The following SPIDR variants were observed in gnomAD, a reference collection of about 807,000 sequenced individuals.
SPIDR encodes the protein DNA repair-scaffolding protein.
In SPIDR, 93 loss-of-function variants were observed where a neutral mutation model predicts 104.6. That is an observed-to-expected ratio of 0.89 (90% CI 0.75 to 1.06). The LOEUF (loss-of-function observed/expected upper bound fraction) is 1.06, where lower values mean the gene tolerates loss of function less well. Among genes scored for constraint, SPIDR ranks in the 50% least tolerant of loss-of-function variants. The pLI is 0.00. For missense variants in SPIDR, 1,154 were observed against 1,111.2 expected, an observed-to-expected ratio of 1.04 and a Z score of -0.55; for synonymous variants, 431 against 416.9, an observed-to-expected ratio of 1.03 and a Z score of -0.41.
intron 11 of SPIDR, among the ~76,000 whole-genome samples, chr8:47,689,751 T>C (rs1220212879): frequency 1.3e-5 from 2 of 152,150 alleles, no homozygotes; most frequent in African/African-American, 4.8e-5. Flanking sequence ...GGGGGTGGCA[T>C]GGGAGCTCTG....
chr8:47,564,408 G>A (rs764329991), intron 8 of SPIDR, among the ~76,000 whole-genome samples: 1 of 152,018 alleles, frequency 6.6e-6, no homozygotes, highest in African/African-American at 2.4e-5. Flanking sequence ...GGCTGGGTGC[G>A]GTGGCTCACG....
chr8:47,285,485 A>G (rs1554562481), intron 3 of SPIDR, among the ~76,000 whole-genome samples: 1,645 of 152,328 alleles, frequency 0.011, 18 homozygotes, highest in Non-Finnish European at 0.017. Flanking sequence ...TGTCATAAAA[A>G]TACTACTTCC....
chr8:47,337,446 A>G (rs2049969727), intron 5 of SPIDR, among the ~76,000 whole-genome samples: 1 of 151,808 alleles, frequency 6.6e-6, no homozygotes, highest in Admixed American at 6.6e-5. Context: ...TTGTGTTTTT[A>G]TTATTGACTT....
At chr8:47,417,956 G>A (rs1367723242) in intron 7 of SPIDR, among the ~76,000 whole-genome samples, 5 of 152,064 alleles carry the variant, frequency 3.3e-5, no homozygotes, top group Non-Finnish European at 7.4e-5. Flanking sequence ...TTATTTCCGA[G>A]GGCTCTGTTT....
At chr8:47,260,892 G>A (rs1750439707), upstream of SPIDR, 2 of 1,187,460 alleles carry the variant, frequency 1.7e-6, no homozygotes, top group Non-Finnish European at 2.1e-6. Context: ...GCAGGGCGCG[G>A]TGCGGCGCGC....
intron 8 of SPIDR, among the ~76,000 whole-genome samples, chr8:47,585,060 T>G (rs994430704): frequency 2.6e-5 from 4 of 152,212 alleles, no homozygotes; most frequent in Non-Finnish European, 4.4e-5. Flanking sequence ...AAATGACAAT[T>G]AGAGAATGAG....
chr8:47,452,491 G>T (rs187479450), intron 8 of SPIDR, among the ~76,000 whole-genome samples: 1 of 152,262 alleles, frequency 6.6e-6, no homozygotes, highest in Admixed American at 6.5e-5. Flanking sequence ...GAATCCAGCA[G>T]CACATCAAAA....
At chr8:47,676,799 G>A (rs1375070709) in intron 11 of SPIDR, among the ~76,000 whole-genome samples, 1 of 152,194 alleles carries the variant, frequency 6.6e-6, no homozygotes, top group African/African-American at 2.4e-5. Context: ...ACCCGCTGTT[G>A]AATGGCTGTG....
intron 10 of SPIDR, among the ~76,000 whole-genome samples, chr8:47,663,484 A>G: frequency 6.6e-6 from 1 of 152,252 alleles, no homozygotes; most frequent in East Asian, 1.9e-4. Context: ...AGAAACCCTA[A>G]GAAGGCCAAG....
At chr8:47,312,303 C>G (rs1258598823) in intron 5 of SPIDR, among the ~76,000 whole-genome samples, 1 of 152,160 alleles carries the variant, frequency 6.6e-6, no homozygotes, top group Non-Finnish European at 1.5e-5. Flanking sequence ...ACACTGACTT[C>G]CACAATGGTT....
intron 5 of SPIDR, among the ~76,000 whole-genome samples, chr8:47,389,654 A>G (rs1005807921): frequency 2.9e-5 from 4 of 136,634 alleles, no homozygotes; most frequent in Non-Finnish European, 6.1e-5. Flanking sequence ...GTGCCACTGC[A>G]TTCCAGCCTG....
chr8:47,478,872 T>C (rs181505823), intron 8 of SPIDR, among the ~76,000 whole-genome samples: 278 of 152,270 alleles, frequency 1.8e-3, no homozygotes, highest in Non-Finnish European at 3.0e-3. Context: ...GAAGATAACT[T>C]TGATTTCTGA....
chr8:47,643,867 G>A (rs1474696181), intron 10 of SPIDR, among the ~76,000 whole-genome samples: 1 of 152,170 alleles, frequency 6.6e-6, no homozygotes, highest in African/African-American at 2.4e-5. Flanking sequence ...GATCATGACT[G>A]TAGAATATTA....
chr8:47,626,802 A>G (rs2066201691), intron 10 of SPIDR, among the ~76,000 whole-genome samples: 1 of 152,226 alleles, frequency 6.6e-6, no homozygotes, highest in Non-Finnish European at 1.5e-5. Flanking sequence ...ACTGTAAACT[A>G]GTTCAACCAT....
chr8:47,504,075 C>T (rs1348741519), intron 8 of SPIDR, among the ~76,000 whole-genome samples: 1 of 152,122 alleles, frequency 6.6e-6, no homozygotes, highest in Non-Finnish European at 1.5e-5. Context: ...ACGTTTTTTC[C>T]TCCATTTCAA....
chr8:47,456,803 G>A (rs895346538), intron 8 of SPIDR, among the ~76,000 whole-genome samples: 6 of 151,946 alleles, frequency 3.9e-5, no homozygotes, highest in Non-Finnish European at 7.4e-5. Flanking sequence ...TCATTCTTAC[G>A]CCTTTGCATC....
intron 12 of SPIDR, among the ~76,000 whole-genome samples, chr8:47,701,387 G>A (rs1206788817): frequency 6.6e-6 from 1 of 152,158 alleles, no homozygotes; most frequent in East Asian, 1.9e-4. Context: ...AGCCAAGATC[G>A]TGCCATTGCA....
At chr8:47,402,526 C>T (rs1305504847) in intron 6 of SPIDR, among the ~76,000 whole-genome samples, 3 of 152,122 alleles carry the variant, frequency 2.0e-5, no homozygotes, top group Non-Finnish European at 4.4e-5. Flanking sequence ...GGAATATCAC[C>T]ACCAGTCCCA....
chr8:47,274,646 T>A (rs2036010697), intron 1 of SPIDR, among the ~76,000 whole-genome samples: 1 of 151,774 alleles, frequency 6.6e-6, no homozygotes, highest in Non-Finnish European at 1.5e-5. Context: ...TGCGCGATTT[T>A]GGCTCACTGC....
Sources: allele counts gnomAD v4.1 joint callset (sites outside exome capture counted in the v4.1 genomes callset), GRCh38; gene constraint gnomAD v4.1.1; transcripts MANE v1.5; gene names NCBI Gene and HGNC (gene_info 2026-07-23, HGNC 2026-07-21).